SMAP1: variants seen among roughly 807,000 people sequenced by gnomAD.
SMAP1 encodes stromal membrane-associated protein 1.
A neutral mutation model predicts 58.5 loss-of-function variants in SMAP1; 24 were observed. That is an observed-to-expected ratio of 0.41 (90% CI 0.30 to 0.58). The LOEUF (loss-of-function observed/expected upper bound fraction) is 0.58, where lower values mean the gene tolerates loss of function less well. Ranked by LOEUF, SMAP1 falls within the 20% of genes least tolerant of loss-of-function variation. The pLI, the probability that SMAP1 is intolerant of heterozygous loss-of-function variation, is 0.29. For missense variants in SMAP1, 563 were observed against 566.3 expected (o/e 0.99, Z 0.06); for synonymous variants, 216 against 196.6 (o/e 1.10, Z -0.82).
At chr6:70,719,483 CTT>C (rs1768419748) in intron 1 of SMAP1, among the ~76,000 whole-genome samples, 2 of 152,208 alleles carry the variant, frequency 1.3e-5, no homozygotes, top group Non-Finnish European at 2.9e-5. Context: ...CACTTATTCT[CTT>C]TGTCCTTTAT....
At chr6:70,803,472 GT>G (rs1240836824) in intron 6 of SMAP1, among the ~76,000 whole-genome samples, 4 of 151,964 alleles carry the variant, frequency 2.6e-5, no homozygotes, top group Non-Finnish European at 1.5e-5. Context: ...TTTTTTGAAG[GT>G]TTTTTTGTGT....
rs559032546 is a variant in SMAP1, at chr6:70,841,705, G to A, written c.664+4677G>A. Among the ~76,000 whole-genome samples the A allele has an allele frequency of 8.1e-4, 123 of 152,230 alleles. 2 individuals are homozygous for A. In the South Asian group the frequency reaches 0.025, roughly 31 times the overall value. ...AGGAACATACAGTTTTGGGCAAGTC[G>A]ATGAGAAAAGTTTGCAAATTTTAGT... On this transcript the variant is annotated intron_variant, in intron 7 of 10. Transcript: ENST00000370455.
Position 70,767,205 on chromosome 6 carries a change from G to T in SMAP1, c.339-6145G>T, listed in dbSNP as rs1167976868. Among the ~76,000 whole-genome samples, 3 of 151,888 alleles carry T rather than the reference G, an allele frequency of 2.0e-5. No individual in the cohort carries two copies. In the East Asian group the frequency reaches 5.8e-4, roughly 29 times the overall value. On this transcript the variant is annotated intron_variant, in intron 3 of 10. Coordinates refer to ENST00000370455, the MANE Select transcript of SMAP1 (RefSeq NM_001044305.3). ...TGATGCCTCCAGCTTTGTTCTTTTG[G>T]CTTAGGATTGACTTGGCGATGCGGG...
At chr6:70,792,938 A>C (rs922181499) in intron 5 of SMAP1, among the ~76,000 whole-genome samples, 2 of 152,154 alleles carry the variant, frequency 1.3e-5, no homozygotes, top group African/African-American at 4.8e-5. Context: ...GAAAAGACTT[A>C]ACCTATTACT....
chr6:70,816,902 G>T (rs1769652847), intron 6 of SMAP1, among the ~76,000 whole-genome samples: 1 of 151,994 alleles, frequency 6.6e-6, no homozygotes, highest in East Asian at 1.9e-4. Context: ...TGTTTTTAAT[G>T]ACAGCATTTA....
intron 6 of SMAP1, among the ~76,000 whole-genome samples, chr6:70,831,968 A>G (rs1282999247): frequency 6.6e-6 from 1 of 152,028 alleles, no homozygotes; most frequent in East Asian, 1.9e-4. Context: ...ACTCTGACTG[A>G]TGTGAGGTGG....
In SMAP1 at chr6:70,798,555, A is replaced by G. The variant is rs1023471004; in HGVS notation, c.496-102A>G. On this transcript the variant is annotated intron_variant, in intron 5 of 10. Transcript: ENST00000370455. Reference sequence around the variant, plus strand: ...CACGTAGATATTGTAATTACTGAATATTTCTACCTTTTTCAGATGATTACT... The same window carrying G: ...CACGTAGATATTGTAATTACTGAATGTTTCTACCTTTTTCAGATGATTACT... The G allele has an allele frequency of 5.9e-6, 5 of 846,360 alleles. No individual in the cohort carries two copies. In the African/African-American group the frequency reaches 6.9e-5, roughly 12 times the overall value. The allele number at this position is 846,360 out of a possible 1,614,324, so 52.4% of individuals were successfully genotyped here.
At chr6:70,818,318 AT>A (rs1769734070) in intron 6 of SMAP1, among the ~76,000 whole-genome samples, 1 of 152,022 alleles carries the variant, frequency 6.6e-6, no homozygotes, top group South Asian at 2.1e-4. Context: ...AGGCAGGAGA[AT>A]CACATGAACC....
At chr6:70,840,890 C>T (rs1456195131) in intron 7 of SMAP1, among the ~76,000 whole-genome samples, 2 of 152,288 alleles carry the variant, frequency 1.3e-5, no homozygotes, top group Admixed American at 6.5e-5. Context: ...TGAGTATGCA[C>T]GTCCTATGTT....
intron 1 of SMAP1, among the ~76,000 whole-genome samples, chr6:70,677,389 TGTATG>T (rs1193633361): frequency 6.7e-6 from 1 of 149,162 alleles, no homozygotes; most frequent in African/African-American, 2.4e-5. Flanking sequence ...ATTTCAACCT[TGTATG>T]GTCTGTGTTC....
chr6:70,826,342 T>C (rs1052262918), intron 6 of SMAP1, among the ~76,000 whole-genome samples: 2 of 152,204 alleles, frequency 1.3e-5, no homozygotes, highest in African/African-American at 4.8e-5. Flanking sequence ...TAGTGGATTA[T>C]GAATGCTGTA....
At chr6:70,806,564 A>G (rs1160147179) in intron 6 of SMAP1, among the ~76,000 whole-genome samples, 1 of 152,210 alleles carries the variant, frequency 6.6e-6, no homozygotes, top group Admixed American at 6.5e-5. Context: ...TTGGAAATGC[A>G]GAAATCACCC....
intron 4 of SMAP1, among the ~76,000 whole-genome samples, chr6:70,786,710 A>G (rs574929895): frequency 7.6e-4 from 115 of 152,260 alleles, no homozygotes; most frequent in African/African-American, 2.7e-3. Context: ...CACAATTACT[A>G]CCAAGAGAAT....
intron 1 of SMAP1, among the ~76,000 whole-genome samples, chr6:70,674,080 A>T (rs1766377963): frequency 6.6e-6 from 1 of 151,908 alleles, no homozygotes; most frequent in Non-Finnish European, 1.5e-5. Context: ...GTTTAAAACG[A>T]TATACTTTAT....
At chr6:70,821,090 A>C in intron 6 of SMAP1, among the ~76,000 whole-genome samples, 1 of 148,738 alleles carries the variant, frequency 6.7e-6, no homozygotes. Context: ...CCATTTTCTC[A>C]AGATGTCCTG....
intron 3 of SMAP1, among the ~76,000 whole-genome samples, chr6:70,766,573 G>A (rs1029551156): frequency 9.9e-5 from 15 of 152,062 alleles, no homozygotes; most frequent in African/African-American, 3.6e-4. Flanking sequence ...CCTGTCCTTT[G>A]CCCACTTTTT....
intron 1 of SMAP1, among the ~76,000 whole-genome samples, chr6:70,710,378 C>T (rs1476245255): frequency 6.6e-6 from 1 of 150,886 alleles, no homozygotes; most frequent in Non-Finnish European, 1.5e-5. Flanking sequence ...GTAGTCCCAG[C>T]TGCTCGGGAG....
intron 1 of SMAP1, chr6:70,694,062 T>C: frequency 5.1e-6 from 1 of 196,094 alleles, no homozygotes; most frequent in Non-Finnish European, 1.0e-5. Flanking sequence ...CCCAGGAAAC[T>C]ATACCAACCC....
intron 1 of SMAP1, among the ~76,000 whole-genome samples, chr6:70,717,178 G>A (rs1201730945): frequency 2.0e-5 from 3 of 152,218 alleles, no homozygotes; most frequent in Non-Finnish European, 4.4e-5. Flanking sequence ...TGTGTTAGAA[G>A]TGTGTTGCAG....
Sources: gnomAD v4.1 joint callset for allele counts (sites outside exome capture counted in the v4.1 genomes callset) on GRCh38, gnomAD v4.1.1 for gene constraint, MANE v1.5 for transcripts, NCBI Gene and HGNC (gene_info 2026-07-23, HGNC 2026-07-21) for gene names.